The following UNC45A variants were observed in gnomAD, a reference collection of about 807,000 sequenced individuals.
UNC45A encodes the protein protein unc-45 homolog A.
UNC45A carries 78 observed loss-of-function variants against 103.2 expected under a neutral mutation model. The ratio of observed to expected loss-of-function variants is 0.76; its 90% CI spans 0.63 to 0.91. UNC45A has a LOEUF of 0.91. Ranked by LOEUF, UNC45A falls within the 40% of genes least tolerant of loss-of-function variation. UNC45A has a pLI of 0.00. For synonymous variants in UNC45A, 495 were observed against 504.6 expected (o/e 0.98, Z 0.25); for missense variants, 1,193 against 1,224.8 (o/e 0.97, Z 0.39).
At chr15:90,942,389 G>T (rs1379975532) in intron 6 of UNC45A, 48 bp from the exon 7 acceptor site, 4 of 1,556,054 alleles carry the variant, frequency 2.6e-6, no homozygotes, top group African/African-American at 1.4e-5. Flanking sequence ...CTCTGTGGCT[G>T]CCCTTCAACA....
At chr15:90,948,048 G>A (rs2036667945) in intron 11 of UNC45A, 94 bp from the exon 12 acceptor site, 27 of 1,567,120 alleles carry the variant, frequency 1.7e-5, no homozygotes, top group Non-Finnish European at 1.8e-5. Flanking sequence ...TACATTGAGG[G>A]GATGCCCAAA....
Position 90,953,828 on chromosome 15 carries a change from C to A in UNC45A, c.*112C>A. Reference sequence around the variant, plus strand: ...GGCTGGCATGCCCAATACTCTTGCCCATCCTCGCTTGCTGCCCTAGGATGT... The same window carrying A: ...GGCTGGCATGCCCAATACTCTTGCCAATCCTCGCTTGCTGCCCTAGGATGT... On this transcript the variant is annotated 3_prime_UTR_variant, in exon 20 of 20. Transcript: ENST00000418476. 3 of 1,441,954 alleles carry A rather than the reference C, an allele frequency of 2.1e-6. No homozygotes were observed. Among genetic ancestry groups the A allele is most frequent in the Non-Finnish European group, 2.8e-6 (3 of 1,069,142 alleles). The allele number at this position is 1,441,954 out of a possible 1,614,324, so 89.3% of individuals were successfully genotyped here. A position where few individuals can be genotyped will look rare whatever the true frequency, so the allele number is the denominator to read the frequency against.
Position 90,947,879 on chromosome 15 carries a change from G to C in UNC45A, c.1584G>C (p.Lys528Asn). Residue 528 changes from lysine to asparagine, a missense_variant, in exon 11 of 20, where the codon AAG (lysine) becomes AAC (asparagine). By Grantham distance (94) the Lys-to-Asn change is moderately conservative (BLOSUM62 0). Coordinates refer to ENST00000418476, the MANE Select transcript of UNC45A (RefSeq NM_018671.5). ...FAEGSTLKLAKQCRKWLCNDQ... is the reference protein window; with the variant it reads ...FAEGSTLKLANQCRKWLCNDQ... Reference sequence around the variant, plus strand: ...AAGGCTCCACTCTCAAACTGGCTAAGCAGTGTCGAAAGTGAGTCATCTGGC... The same window carrying C: ...AAGGCTCCACTCTCAAACTGGCTAACCAGTGTCGAAAGTGAGTCATCTGGC... 1 of 1,613,792 alleles carries C rather than the reference G, an allele frequency of 6.2e-7. No individual in the cohort carries two copies. Among genetic ancestry groups the C allele is most frequent in the Non-Finnish European group, 8.5e-7 (1 of 1,179,922 alleles).
At chr15:90,931,598 T>C (rs376652457), upstream of UNC45A, 1 of 1,614,016 alleles carries the variant, frequency 6.2e-7, no homozygotes, top group African/African-American at 1.3e-5. Flanking sequence ...TAGGATTAAT[T>C]TGGGAATTAA....
intron 4 of UNC45A, 24 bp downstream of exon 4, chr15:90,936,484 G>T: frequency 1.2e-6 from 2 of 1,611,318 alleles, no homozygotes; most frequent in Non-Finnish European, 1.7e-6. Flanking sequence ...CCAGAGAGGT[G>T]GAAGCATTGA....
At chr15:90,938,966 C>T (rs923594070) in intron 4 of UNC45A, among the ~76,000 whole-genome samples, 2 of 151,954 alleles carry the variant, frequency 1.3e-5, no homozygotes, top group African/African-American at 4.8e-5. Flanking sequence ...GCCACCGTGC[C>T]TGGCTTCAGA....
intron 17 of UNC45A, among the ~76,000 whole-genome samples, chr15:90,951,102 G>C (rs970495901): frequency 6.6e-6 from 1 of 152,180 alleles, no homozygotes; most frequent in East Asian, 1.9e-4. Context: ...CTGCCTCCCA[G>C]GTTCAAGCGA....
At chr15:90,931,184 G>A (rs1033958409), upstream of UNC45A, 1 of 1,440,242 alleles carries the variant, frequency 6.9e-7, no homozygotes, top group Non-Finnish European at 9.5e-7. Context: ...AAGGATGGAG[G>A]GAGCTCAGGA....
intron 8 of UNC45A, 44 bp downstream of exon 8, chr15:90,943,126 T>C: frequency 6.4e-7 from 1 of 1,563,086 alleles, no homozygotes; most frequent in Non-Finnish European, 8.7e-7. Context: ...CAGCTGAAGT[T>C]TGTTTATTCT....
chr15:90,937,490 G>T (rs8034014), intron 4 of UNC45A, among the ~76,000 whole-genome samples: 78,203 of 147,372 alleles, frequency 0.53, 23,019 homozygotes, highest in East Asian at 0.96. Flanking sequence ...GAAAATAATT[G>T]TTTTTTTTTT....
rs149632219 is a variant in UNC45A, at chr15:90,935,547, A to G, written c.55A>G (p.Ser19Gly). 6.9e-6 allele frequency: 11 copies of G among 1,602,372 alleles called. No homozygotes were observed. The highest frequency in any genetic ancestry group is 9.4e-6 in the Non-Finnish European group (11 of 1,174,558). ...TCCGCCCCCTTTCTCTCTACAGGCC[A>G]GCTCAGTGGAGCAGCTGCGGAAGGA... ...PEPRPATPGA[S>G]SVEQLRKEGN... Residue 19 changes from serine to glycine, a missense_variant, in exon 2 of 20, where the codon AGC (serine) becomes GGC (glycine). Physicochemically the swap from Ser to Gly is moderately conservative, Grantham distance 56 (BLOSUM62 0). Coordinates refer to ENST00000418476, the MANE Select transcript of UNC45A (RefSeq NM_018671.5).
upstream of UNC45A, chr15:90,932,488 TTGCG>T: frequency 7.6e-7 from 1 of 1,310,126 alleles, no homozygotes; most frequent in Non-Finnish European, 9.7e-7. Flanking sequence ...CTGCCGGTGC[TTGCG>T]AGCCGCGAAG....
upstream of UNC45A, chr15:90,935,242 G>A: frequency 7.3e-7 from 1 of 1,373,118 alleles, no homozygotes; most frequent in Non-Finnish European, 1.0e-6. Flanking sequence ...AGTGGGGCGG[G>A]GCAGCTGCCG....
At chr15:90,931,707 C>G (rs1190199489), upstream of UNC45A, 4 of 1,614,120 alleles carry the variant, frequency 2.5e-6, no homozygotes, top group Non-Finnish European at 3.4e-6. Flanking sequence ...AGCGTACCCT[C>G]TGGGGTGCAG....
rs1237709180 is a variant in UNC45A, at chr15:90,944,981, A to T, written c.1117A>T (p.Ile373Phe). 1 of 1,612,872 alleles carries T rather than the reference A, an allele frequency of 6.2e-7. No individual in the cohort carries two copies. The highest frequency in any genetic ancestry group is 1.3e-5 in the African/African-American group (1 of 74,894). The change falls in exon 9 of 20, where the codon ATT becomes TTT. Residue 373 changes from isoleucine to phenylalanine, a missense_variant. Ile to Phe is a conservative substitution (Grantham distance 21, BLOSUM62 0). Transcript: ENST00000418476. Reference sequence around the variant, plus strand: ...CGCAAACAGCCGCATGAGCGCCTCTATTCTCCTCAGCAAGCTCTTTGATGA... The same window carrying T: ...CGCAAACAGCCGCATGAGCGCCTCTTTTCTCCTCAGCAAGCTCTTTGATGA... ...VTANSRMSASILLSKLFDDLK... is the reference protein window; with the variant it reads ...VTANSRMSASFLLSKLFDDLK...
At chr15:90,936,061 C>T (rs1490399425) in intron 3 of UNC45A, 79 bp downstream of exon 3, 10 of 1,593,216 alleles carry the variant, frequency 6.3e-6, no homozygotes, top group African/African-American at 1.3e-5. Flanking sequence ...TGCACCGTCA[C>T]ATTCTCCTCC....
In UNC45A at chr15:90,950,508, G is replaced by A. The variant is rs138854458; in HGVS notation, c.2196G>A (p.Glu732=). The part of the protein sequence containing the change: ...EMTFPGERIY[E]VVRPLVSLLH... ...TGGGGTGCACATTGCAGATCTATGA[G>A]GTGGTCCGGCCCCTCGTCTCCCTGT... Residue 732 remains glutamate (E), a synonymous_variant, in exon 17 of 20, where the codon GAG becomes GAA. Coordinates refer to ENST00000418476, the MANE Select transcript of UNC45A (RefSeq NM_018671.5). The A allele has an allele frequency of 1.2e-6, 2 of 1,614,000 alleles. No individual in the cohort carries two copies. The highest frequency in any genetic ancestry group is 2.7e-5 in the African/African-American group (2 of 75,044).
rs750012536 is a variant in UNC45A at position 90,940,370 on chromosome 15, A to G, written c.584A>G (p.Asn195Ser). 6.2e-7 allele frequency: 1 copy of G among 1,614,124 alleles called. No individual in the cohort carries two copies. The highest frequency in any genetic ancestry group is 8.5e-7 in the Non-Finnish European group (1 of 1,179,998). ...GGAGCGGAGAAGATCTTCCGGAGTAATGGGGTTCAGCTCTTGCAACGTTTA... is the reference window on the plus strand; with the variant it reads ...GGAGCGGAGAAGATCTTCCGGAGTAGTGGGGTTCAGCTCTTGCAACGTTTA... ...DAGAEKIFRS[N>S]GVQLLQRLLD... Residue 195 changes from asparagine to serine, a missense_variant, in exon 6 of 20, where the codon AAT (asparagine) becomes AGT (serine). By Grantham distance (46) the Asn-to-Ser change is conservative. Transcript: ENST00000418476.
At chr15:90,938,834 G>C (rs886897850) in intron 4 of UNC45A, among the ~76,000 whole-genome samples, 5 of 151,900 alleles carry the variant, frequency 3.3e-5, no homozygotes, top group African/African-American at 1.2e-4. Flanking sequence ...ACCACACCTG[G>C]CTAATTTTTA....
Sources: allele counts gnomAD v4.1 joint callset (sites outside exome capture counted in the v4.1 genomes callset), GRCh38; gene constraint gnomAD v4.1.1; transcripts MANE v1.5; gene names NCBI Gene and HGNC (gene_info 2026-07-23, HGNC 2026-07-21).